Variants in COL5A2 observed in about 807,000 individuals in gnomAD.
COL5A2 encodes the protein collagen alpha-2(V) chain.
COL5A2 carries 23 observed loss-of-function variants against 208.2 expected under a neutral mutation model. The observed-to-expected ratio is 0.11, with a 90% CI of 0.08 to 0.16. COL5A2 has a LOEUF of 0.16. Among genes scored for constraint, COL5A2 ranks in the 10% least tolerant of loss-of-function variants. The pLI is 1.00. For synonymous variants in COL5A2, 625 were observed against 628.5 expected (o/e 0.99, Z 0.08); for missense variants, 1,590 against 1,956.4 (o/e 0.81, Z 3.53).
At chr2:189,321,722 A>G in the COL5A2 span, among the ~76,000 whole-genome samples, 330 of 152,264 alleles carry the variant, frequency 2.2e-3, 1 homozygote, top group African/African-American at 7.4e-3. Flanking sequence ...CCACACAATA[A>G]TGACGGCAGA....
At position 189,057,396 on chromosome 2, in the gene COL5A2, T is replaced by C. The variant is rs755334879; in HGVS notation, c.2261A>G (p.Asp754Gly). Residue 754 changes from aspartate to glycine, a missense_variant, in exon 34 of 54, where the codon GAT becomes GGT. Physicochemically the swap from Asp to Gly is moderately conservative, Grantham distance 94. Transcript: ENST00000374866. ...ACCTTGAAGACCTGGTGGGCCTGTA[T>C]CTCCAGGGGTCCCAGATGGACCTGG... is the stretch of plus-strand genomic sequence containing the variant. The part of the protein sequence containing the change: ...GSPGPSGTPG[D>G]TGPPGLQGMP... 4.3e-6 allele frequency: 7 copies of C among 1,613,226 alleles called. No homozygotes were observed. Among genetic ancestry groups the C allele is most frequent in the Non-Finnish European group, 5.9e-6 (7 of 1,179,720 alleles).
Position 189,057,002 on chromosome 2 carries a change from C to T in COL5A2, c.2362G>A (p.Glu788Lys). Residue 788 changes from glutamate to lysine, a missense_variant, in exon 35 of 54, where the codon GAA (glutamate) becomes AAA (lysine). Coordinates refer to ENST00000374866, the MANE Select transcript of COL5A2 (RefSeq NM_000393.5). Reference sequence around the variant, plus strand: ...GCACCATCATTTCCAGCTGTGCCTTCAGCACCTTTTTCTCCTATGCCACCC... The same window carrying T: ...GCACCATCATTTCCAGCTGTGCCTTTAGCACCTTTTTCTCCTATGCCACCC... ...DRGGIGEKGA[E>K]GTAGNDGARG... is the part of the protein sequence containing the mutation. The T allele has an allele frequency of 6.2e-7, 1 of 1,614,082 alleles. No individual in the cohort carries two copies. The highest frequency in any genetic ancestry group is 1.3e-5 in the African/African-American group (1 of 75,042).
Position 189,075,416 on chromosome 2 carries a change from T to G in COL5A2, c.1081A>C (p.Met361Leu), listed in dbSNP as rs76148000. The G allele has an allele frequency of 0.025, 40,448 of 1,605,532 alleles. 568 individuals are homozygous for G. The highest frequency in any genetic ancestry group is 0.038 in the Middle Eastern group (228 of 6,040). ...GAPGQRGAHG[M>L]PGKPGPMGPL... ...ACCATTGGTCCAGGTTTTCCAGGCA[T>G]ACCATGTGCACCTCGTTGTCCCTAA... The change falls in exon 17 of 54, where the codon ATG (methionine) becomes CTG (leucine). Residue 361 changes from methionine (M) to leucine (L), a missense_variant. Physicochemically the swap from Met to Leu is conservative, Grantham distance 15. Coordinates refer to ENST00000374866, the MANE Select transcript of COL5A2 (RefSeq NM_000393.5).
At chr2:189,359,952 C>T in the COL5A2 span, among the ~76,000 whole-genome samples, 1 of 152,038 alleles carries the variant, frequency 6.6e-6, no homozygotes, top group Non-Finnish European at 1.5e-5. Context: ...AGTCTTCTCT[C>T]TTTTTGCTTA....
chr2:189,314,474 C>T, the COL5A2 span, among the ~76,000 whole-genome samples: 9 of 152,060 alleles, frequency 5.9e-5, no homozygotes, highest in Non-Finnish European at 1.2e-4. Context: ...TAAATACCCA[C>T]ATCAAAAAGT....
At chr2:189,317,469 G>C in the COL5A2 span, among the ~76,000 whole-genome samples, 2 of 152,016 alleles carry the variant, frequency 1.3e-5, no homozygotes, top group African/African-American at 4.8e-5. Context: ...TCTATGTACT[G>C]TTAGGTTCTG....
chr2:189,248,645 A>C, the COL5A2 span, among the ~76,000 whole-genome samples: 1 of 152,166 alleles, frequency 6.6e-6, no homozygotes, highest in African/African-American at 2.4e-5. Context: ...TTTTTGTAAT[A>C]TGTGGCTTTT....
the COL5A2 span, among the ~76,000 whole-genome samples, chr2:189,398,283 A>G: frequency 6.6e-6 from 1 of 152,150 alleles, no homozygotes; most frequent in Non-Finnish European, 1.5e-5. Flanking sequence ...GTGTAAATAC[A>G]TATTTATATG....
the COL5A2 span, among the ~76,000 whole-genome samples, chr2:189,371,334 G>C: frequency 6.6e-6 from 1 of 152,192 alleles, no homozygotes; most frequent in African/African-American, 2.4e-5. Context: ...AAGAAGTGGG[G>C]CATTGCTATA....
chr2:189,277,789 G>A, the COL5A2 span, among the ~76,000 whole-genome samples: 1 of 152,074 alleles, frequency 6.6e-6, no homozygotes, highest in South Asian at 2.1e-4. Flanking sequence ...ATGCCTCTAT[G>A]TATTACTTGA....
the COL5A2 span, among the ~76,000 whole-genome samples, chr2:189,264,161 T>C: frequency 1.3e-5 from 2 of 152,048 alleles, no homozygotes; most frequent in Admixed American, 6.6e-5. Context: ...CAATTTATAA[T>C]AGCAAAAATA....
the COL5A2 span, among the ~76,000 whole-genome samples, chr2:189,237,916 A>G: frequency 6.6e-6 from 1 of 151,878 alleles, no homozygotes; most frequent in African/African-American, 2.4e-5. Flanking sequence ...CACCATTTAT[A>G]TTTTAGAACC....
At chr2:189,275,044 C>G in the COL5A2 span, among the ~76,000 whole-genome samples, 1 of 152,028 alleles carries the variant, frequency 6.6e-6, no homozygotes, top group Non-Finnish European at 1.5e-5. Flanking sequence ...AAAAAAGGAT[C>G]CTTAACTGGA....
the COL5A2 span, among the ~76,000 whole-genome samples, chr2:189,297,371 T>C: frequency 6.6e-6 from 1 of 152,210 alleles, no homozygotes; most frequent in Non-Finnish European, 1.5e-5. Flanking sequence ...ATGAGGATGA[T>C]TTTTGTGTAT....
the COL5A2 span, among the ~76,000 whole-genome samples, chr2:189,289,335 T>C: frequency 2.0e-5 from 3 of 151,012 alleles, no homozygotes; most frequent in Non-Finnish European, 4.4e-5. Flanking sequence ...ATCAAGACTC[T>C]ATCTAAAAAA....
In COL5A2 at chr2:189,075,448, G is replaced by T; in HGVS notation, c.1060-11C>A. 1 of 1,602,128 alleles carries T rather than the reference G, an allele frequency of 6.2e-7. No homozygotes were observed. The highest frequency in any genetic ancestry group is 1.1e-5 in the South Asian group (1 of 90,660). ...TGCACCTCGTTGTCCCTAATTAAGA[G>T]AAAAAGAGACAAGACAGGATAAGAT... is the stretch of plus-strand genomic sequence containing the variant. On this transcript the variant is annotated splice_polypyrimidine_tract_variant and intron_variant, in intron 16 of 53. Coordinates refer to ENST00000374866, the MANE Select transcript of COL5A2 (RefSeq NM_000393.5).
At chr2:189,294,019 C>T in the COL5A2 span, among the ~76,000 whole-genome samples, 1 of 146,054 alleles carries the variant, frequency 6.8e-6, no homozygotes, top group Admixed American at 7.1e-5. Context: ...ACCTGGGAAG[C>T]GGAGCTTGCA....
chr2:189,279,187 G>A, the COL5A2 span, among the ~76,000 whole-genome samples: 20 of 151,732 alleles, frequency 1.3e-4, no homozygotes, highest in Admixed American at 5.3e-4. Flanking sequence ...AGAATAAGAC[G>A]AACTAGCATA....
chr2:189,308,465 CCCTGCAAA>C, the COL5A2 span, among the ~76,000 whole-genome samples: 2 of 147,344 alleles, frequency 1.4e-5, no homozygotes, highest in African/African-American at 4.9e-5. Context: ...TTTGAAATGG[CCCTGCAAA>C]GCTATCTCTT....
Sources: gnomAD v4.1 joint callset for allele counts (sites outside exome capture counted in the v4.1 genomes callset) on GRCh38, gnomAD v4.1.1 for gene constraint, MANE v1.5 for transcripts, NCBI Gene and HGNC (gene_info 2026-07-23, HGNC 2026-07-21) for gene names.